Variants in INPP4B observed in about 807,000 individuals in gnomAD.
INPP4B encodes inositol polyphosphate 4-phosphatase type II.
In INPP4B, 55 loss-of-function variants were observed where a neutral mutation model predicts 122.5. The ratio of observed to expected loss-of-function variants is 0.45; its 90% CI spans 0.36 to 0.56. The LOEUF is 0.56. INPP4B is among the 20% of genes least tolerant of loss of function. The probability of loss-of-function intolerance (pLI) is 0.00; values close to 1 mark genes in which losing one functional copy is unlikely to be tolerated. For synonymous variants in INPP4B, 403 were observed against 388.7 expected (o/e 1.04, Z -0.43); for missense variants, 1,000 against 1,097.7 (o/e 0.91, Z 1.26).
At chr4:142,074,608 T>A (rs566772074) in intron 25 of INPP4B, among the ~76,000 whole-genome samples, 16 of 152,220 alleles carry the variant, frequency 1.1e-4, no homozygotes, top group African/African-American at 3.4e-4. Flanking sequence ...TAATCAGATG[T>A]TGGTAAAACA....
At chr4:142,669,497 A>G (rs2150623743) in intron 2 of INPP4B, among the ~76,000 whole-genome samples, 1 of 152,318 alleles carries the variant, frequency 6.6e-6, no homozygotes, top group Middle Eastern at 3.4e-3. Context: ...AGGAGAGCCC[A>G]GAAATAAATT....
At chr4:142,287,196 C>T (rs2627813) in intron 9 of INPP4B, 81,436 of 152,066 alleles carry the variant, frequency 0.54, 25,693 homozygotes, top group Non-Finnish European at 0.69. Flanking sequence ...CTATGACGTG[C>T]TTCTGAAGTT....
intron 1 of INPP4B, among the ~76,000 whole-genome samples, chr4:142,808,103 T>TACACACACAC (rs34768563): frequency 8.0e-5 from 12 of 149,404 alleles, no homozygotes; most frequent in South Asian, 4.2e-4. Context: ...CATGATAAAA[T>TACACACACAC]ACACACACAC....
chr4:142,816,649 T>C (rs1389788179), intron 1 of INPP4B, among the ~76,000 whole-genome samples: 1 of 152,108 alleles, frequency 6.6e-6, no homozygotes, highest in African/African-American at 2.4e-5. Context: ...TACCTACATA[T>C]GCGTATGCAT....
At chr4:142,041,511 A>C (rs1747495693) in intron 25 of INPP4B, among the ~76,000 whole-genome samples, 1 of 151,968 alleles carries the variant, frequency 6.6e-6, no homozygotes, top group Admixed American at 6.6e-5. Flanking sequence ...ACAGCTACTC[A>C]GGAGGCTGAG....
chr4:142,402,082 C>T (rs1347630574), intron 7 of INPP4B, among the ~76,000 whole-genome samples: 12 of 152,140 alleles, frequency 7.9e-5, no homozygotes, highest in Admixed American at 7.9e-4. Context: ...CTGTGGGATT[C>T]CCCAGGTCCA....
chr4:142,611,544 C>T (rs1333312000), intron 2 of INPP4B, among the ~76,000 whole-genome samples: 2 of 146,314 alleles, frequency 1.4e-5, no homozygotes, highest in Middle Eastern at 3.5e-3. Context: ...TTTATTTTTT[C>T]GTTTGTAAAA....
At chr4:142,741,053 G>T (rs1032664176) in intron 1 of INPP4B, among the ~76,000 whole-genome samples, 6 of 151,966 alleles carry the variant, frequency 3.9e-5, no homozygotes, top group Non-Finnish European at 8.8e-5. Context: ...GATTGCCAAG[G>T]AATTCAGACT....
chr4:142,744,421 G>C (rs1768367272), intron 1 of INPP4B, among the ~76,000 whole-genome samples: 1 of 151,642 alleles, frequency 6.6e-6, no homozygotes, highest in South Asian at 2.1e-4. Flanking sequence ...ATTTGATGGG[G>C]AAAAATCAAC....
intron 1 of INPP4B, among the ~76,000 whole-genome samples, chr4:142,753,676 A>G (rs994591174): frequency 6.6e-6 from 1 of 152,078 alleles, no homozygotes. Flanking sequence ...TACTGTTGAA[A>G]TCTCACCTAT....
At chr4:142,236,938 T>G (rs1001382622) in intron 12 of INPP4B, among the ~76,000 whole-genome samples, 7 of 152,222 alleles carry the variant, frequency 4.6e-5, no homozygotes, top group African/African-American at 1.4e-4. Flanking sequence ...GTTGCTAATT[T>G]AATGAGATTT....
Position 142,402,545 on chromosome 4 carries a change from T to C in INPP4B, c.372+393A>G, listed in dbSNP as rs151321869. ...GTAGTCAGTTTCTCTCTATACGGTA[T>C]GCAATACATTGTAAAAGTAGAGCAC... On this transcript the variant is annotated intron_variant, in intron 7 of 25. Coordinates refer to ENST00000262992, the MANE Select transcript of INPP4B (RefSeq NM_001101669.3). 2.6e-3 allele frequency among the ~76,000 whole-genome samples: 390 copies of C among 152,332 alleles called. 2 individuals are homozygous for C. The highest frequency in any genetic ancestry group is 8.2e-3 in the African/African-American group (341 of 41,582).
chr4:142,269,163 T>C (rs1454010307), intron 10 of INPP4B, among the ~76,000 whole-genome samples: 2 of 152,208 alleles, frequency 1.3e-5, no homozygotes, highest in African/African-American at 2.4e-5. Flanking sequence ...TTAAGTAAAA[T>C]GTGGATTTAC....
At chr4:142,599,853 T>C (rs759457032) in intron 2 of INPP4B, among the ~76,000 whole-genome samples, 2 of 151,710 alleles carry the variant, frequency 1.3e-5, no homozygotes, top group African/African-American at 2.4e-5. Context: ...CCAAATAGAA[T>C]TCTGGAGCTG....
rs138606040 is a variant in INPP4B at position 142,533,957 on chromosome 4, A to G, written c.-190-71231T>C. ...TAGAATTTATGGGTGTCATTTTTAG[A>G]TAGAAGCTTTAACAGCCAGTGGACA... is the stretch of plus-strand genomic sequence containing the variant. On this transcript the variant is annotated intron_variant, in intron 2 of 25. Transcript: ENST00000262992. Among the ~76,000 whole-genome samples the G allele has an allele frequency of 2.1e-3, 324 of 152,276 alleles. 7 individuals carry two copies. In the East Asian group the frequency reaches 0.047, roughly 22 times the overall value.
intron 23 of INPP4B, among the ~76,000 whole-genome samples, chr4:142,095,721 A>G (rs1465047299): frequency 1.3e-5 from 2 of 152,182 alleles, no homozygotes; most frequent in Non-Finnish European, 2.9e-5. Context: ...TGCAAAGACT[A>G]TAGAAATGAC....
At chr4:142,583,488 A>G (rs533934259) in intron 2 of INPP4B, 1 of 152,244 alleles carries the variant, frequency 6.6e-6, no homozygotes, top group East Asian at 1.9e-4. Flanking sequence ...TGGAGAAGAA[A>G]TGCCTTCCAT....
intron 20 of INPP4B, among the ~76,000 whole-genome samples, chr4:142,122,947 A>C (rs1490858044): frequency 6.6e-6 from 1 of 152,114 alleles, no homozygotes; most frequent in African/African-American, 2.4e-5. Flanking sequence ...ATTACCCAAA[A>C]GTCACACAAG....
At chr4:142,654,085 CT>C (rs1342960418) in intron 2 of INPP4B, among the ~76,000 whole-genome samples, 1 of 152,006 alleles carries the variant, frequency 6.6e-6, no homozygotes, top group Non-Finnish European at 1.5e-5. Context: ...ATGGATGAAG[CT>C]GGAAACCATC....
Sources: allele counts gnomAD v4.1 joint callset (sites outside exome capture counted in the v4.1 genomes callset), GRCh38; gene constraint gnomAD v4.1.1; transcripts MANE v1.5; gene names NCBI Gene and HGNC (gene_info 2026-07-23, HGNC 2026-07-21).